The following MYO15A variants were observed in gnomAD, a reference collection of about 807,000 sequenced individuals.
MYO15A encodes the protein unconventional myosin-XV.
In MYO15A, 308 loss-of-function variants were observed where a neutral mutation model predicts 394.6. The ratio of observed to expected loss-of-function variants is 0.78; its 90% CI spans 0.71 to 0.86. The LOEUF is 0.86. MYO15A is among the 40% of genes least tolerant of loss of function. The pLI, the probability that MYO15A is intolerant of heterozygous loss-of-function variation, is 0.00. For missense variants in MYO15A, 4,606 were observed against 4,799.1 expected (o/e 0.96, Z 1.19); for synonymous variants, 1,957 against 2,003.8 (o/e 0.98, Z 0.62).
Position 18,159,010 on chromosome 17 carries a change from G to T in MYO15A, c.9156+13G>T, listed in dbSNP as rs780530630. The T allele has an allele frequency of 6.2e-7, 1 of 1,612,750 alleles. No individual in the cohort carries two copies. Among genetic ancestry groups the T allele is most frequent in the Non-Finnish European group, 8.5e-7 (1 of 1,179,382 alleles). On this transcript the variant is annotated intron_variant, in intron 53 of 65. Transcript: ENST00000647165. ...TTGCTTCACCAAGGTGTCCAGTCCC[G>T]GACCTCAGTTTCCCCATCTGTAAAA...
At chr17:18,156,403 C>T in intron 48 of MYO15A, 67 bp downstream of exon 48, 1 of 1,519,914 alleles carries the variant, frequency 6.6e-7, no homozygotes, top group Middle Eastern at 1.7e-4. Flanking sequence ...TCTCCCTGTT[C>T]CAGGGAAATA....
rs1293095516 is a variant in MYO15A at position 18,158,565 on chromosome 17, G to T, written c.9010G>T (p.Ala3004Ser). 1 of 1,614,152 alleles carries T rather than the reference G, an allele frequency of 6.2e-7. No individual in the cohort carries two copies. Among genetic ancestry groups the T allele is most frequent in the South Asian group, 1.1e-5 (1 of 91,088 alleles). ...RARSADHGED[A>S]LALPPYTMLE... is the part of the protein sequence containing the mutation. ...CCGCTCTGCTGACCATGGGGAGGACGCCCTGGCGCTCCCACCCTACACAAT... is the reference window on the plus strand; with the variant it reads ...CCGCTCTGCTGACCATGGGGAGGACTCCCTGGCGCTCCCACCCTACACAAT... Residue 3004 changes from alanine to serine, a missense_variant, in exon 52 of 66, where the codon GCC becomes TCC. Physicochemically the swap from Ala to Ser is moderately conservative, Grantham distance 99. Around this residue, in one of 2 missense-constraint regions of MYO15A, gnomAD observed 2,776 missense variants for 3,109.3 expected, o/e 0.89. Coordinates refer to ENST00000647165, the MANE Select transcript of MYO15A (RefSeq NM_016239.4).
rs777292737 is a variant in MYO15A, at chr17:18,120,506, C to A, written c.1706C>A (p.Ala569Asp). ...PEFGRPVPRP[A>D]TSLARFLKKT... is the part of the protein sequence containing the mutation. ...TTTGGCCGCCCCGTGCCTCGCCCTG[C>A]CACCTCGCTTGCGCGGTTCCTCAAG... Residue 569 changes from alanine (A) to aspartate (D), a missense_variant, in exon 2 of 66, where the codon GCC (alanine) becomes GAC (aspartate). By Grantham distance (126) the Ala-to-Asp change is moderately radical. Transcript: ENST00000647165. The A allele has an allele frequency of 6.3e-7, 1 of 1,578,986 alleles. No homozygotes were observed. The highest frequency in any genetic ancestry group is 8.6e-7 in the Non-Finnish European group (1 of 1,165,814).
rs1360315164 is a variant in MYO15A, at chr17:18,130,786, C to G, written c.4033-19C>G. ...GTTCTTGTCTGTCTCTTTGTCCTCC[C>G]TCCTGGACGCTCTTGAAGATAAAGG... On this transcript the variant is annotated intron_variant, in intron 7 of 65. Transcript: ENST00000647165. 2 of 1,612,262 alleles carry G rather than the reference C, an allele frequency of 1.2e-6. No homozygotes were observed. The highest frequency in any genetic ancestry group is 2.7e-5 in the African/African-American group (2 of 74,214).
intron 7 of MYO15A, among the ~76,000 whole-genome samples, chr17:18,130,107 C>T (rs1241206077): frequency 2.0e-5 from 3 of 152,152 alleles, no homozygotes; most frequent in African/African-American, 7.2e-5. Context: ...TCTGGATCTC[C>T]GGGCCTCGTG....
chr17:18,121,317 G>A lies in MYO15A; in HGVS notation c.2517G>A (p.Pro839=), dbSNP rs911527113. 7.1e-5 allele frequency: 94 copies of A among 1,332,180 alleles called. No homozygotes were observed. In the African/African-American group the frequency reaches 1.2e-3, roughly 17 times the overall value. 82.5% of individuals were successfully genotyped at this position (1,332,180 alleles called of 1,614,324 possible). A position where few individuals can be genotyped will look rare whatever the true frequency, so the allele number is the denominator to read the frequency against. Residue 839 remains proline, a synonymous_variant, in exon 2 of 66, where the codon CCG becomes CCA. Coordinates refer to ENST00000647165, the MANE Select transcript of MYO15A (RefSeq NM_016239.4). The surrounding 1 kb of genome is among the most constrained non-coding windows in gnomAD (Gnocchi z 5.3). The stretch of plus-strand genomic sequence containing the variant: ...GGCGCCTGGGCCCACCCGGCTCGCC[G>A]CTGCCGGGCTCACCCAGGCCGCCCT... ...AAGRLGPPGS[P]LPGSPRPPSP... is the part of the protein sequence containing the mutation.
In MYO15A at chr17:18,159,614, A is replaced by C; in HGVS notation, c.9238A>C (p.Arg3080=). Residue 3080 remains arginine, a synonymous_variant, in exon 55 of 66, where the codon AGG becomes CGG. Coordinates refer to ENST00000647165, the MANE Select transcript of MYO15A (RefSeq NM_016239.4). ...ATAGGTCTTTCCTACAGCTGTAATG[A>C]GGTTCATGGGGGATGCCCCACTGAA... ...MATDMFLAVM[R]FMGDAPLKGQ... is the part of the protein sequence containing the mutation. 6.2e-7 allele frequency: 1 copy of C among 1,613,988 alleles called. No individual in the cohort carries two copies. Among genetic ancestry groups the C allele is most frequent in the Non-Finnish European group, 8.5e-7 (1 of 1,179,986 alleles).
chr17:18,146,197 T>A (rs1299161796), intron 30 of MYO15A, 90 bp downstream of exon 30: 1 of 1,340,904 alleles, frequency 7.5e-7, no homozygotes, highest in Non-Finnish European at 1.0e-6. Context: ...AGGCCAGGAG[T>A]CAGATCTCTA....
chr17:18,113,005 A>T (rs2045740472), intron 1 of MYO15A, among the ~76,000 whole-genome samples: 1 of 151,982 alleles, frequency 6.6e-6, no homozygotes, highest in Non-Finnish European at 1.5e-5. Flanking sequence ...ACGCTGCTAC[A>T]CCCAGCTAAT....
Position 18,145,002 on chromosome 17 carries a change from T to C in MYO15A, c.6273+410T>C, listed in dbSNP as rs144936237. Among the ~76,000 whole-genome samples, 276 of 152,206 alleles carry C rather than the reference T, an allele frequency of 1.8e-3. 1 individual carries two copies. The highest frequency in any genetic ancestry group is 6.3e-3 in the African/African-American group (263 of 41,512). On this transcript the variant is annotated intron_variant, in intron 29 of 65. Transcript: ENST00000647165. Reference sequence around the variant, plus strand: ...AGCCCTGGGCAGGGCCAGAGAGGGCTTCCTGGAGGAGAAGGCATTTGAGCT... The same window carrying C: ...AGCCCTGGGCAGGGCCAGAGAGGGCCTCCTGGAGGAGAAGGCATTTGAGCT...
chr17:18,133,196 C>T, intron 11 of MYO15A, 29 bp from the exon 12 acceptor site: 1 of 1,612,674 alleles, frequency 6.2e-7, no homozygotes. Context: ...ACCCAAGCTC[C>T]CTGACCCTCA....
intron 7 of MYO15A, among the ~76,000 whole-genome samples, chr17:18,130,392 T>G (rs1167385733): frequency 2.0e-5 from 3 of 151,478 alleles, no homozygotes; most frequent in Non-Finnish European, 1.5e-5. Flanking sequence ...TCTGGTGGCC[T>G]TCCTGTGAGA....
In MYO15A at chr17:18,120,789, G is replaced by A; in HGVS notation, c.1989G>A (p.Pro663=). ...CCCACTGGAGCGCGCTCCTGTCTCC[G>A]CCCGTGCCCCCGCGGCCCCCAAGCT... ...TLSHWSALLS[P]PVPPRPPSSG... The change falls in exon 2 of 66, where the codon CCG becomes CCA. Residue 663 remains proline (P), a synonymous_variant. Transcript: ENST00000647165. 1.5e-6 allele frequency: 2 copies of A among 1,347,670 alleles called. No homozygotes were observed. The highest frequency in any genetic ancestry group is 1.9e-6 in the Non-Finnish European group (2 of 1,055,340). The allele number at this position is 1,347,670 out of a possible 1,614,324, so 83.5% of individuals were successfully genotyped here.
In MYO15A at chr17:18,122,116, C is replaced by G. The variant is rs754781505; in HGVS notation, c.3316C>G (p.Arg1106Gly). 1.9e-6 allele frequency: 3 copies of G among 1,612,878 alleles called. No homozygotes were observed. In the South Asian group the frequency reaches 3.3e-5, roughly 18 times the overall value. The change falls in exon 2 of 66, where the codon CGG (arginine) becomes GGG (glycine). Residue 1106 changes from arginine to glycine, a missense_variant. Coordinates refer to ENST00000647165, the MANE Select transcript of MYO15A (RefSeq NM_016239.4). ...AGAGCCCCTGCCCAAGGGGGGTGAA[C>G]GGCGCCAGGCAGCCCCTGGGCGTTT... ...APEPLPKGGE[R>G]RQAAPGRFAV...
chr17:18,141,617 C>G, intron 22 of MYO15A, 36 bp from the exon 23 acceptor site: 4 of 1,596,894 alleles, frequency 2.5e-6, no homozygotes, highest in Non-Finnish European at 3.4e-6. Context: ...TCGGGTAGGT[C>G]TCATAGCCCC....
Position 18,142,778 on chromosome 17 carries a change from A to G in MYO15A, c.5848A>G (p.Arg1950Gly). The G allele has an allele frequency of 6.2e-7, 1 of 1,613,700 alleles. No individual in the cohort carries two copies. The highest frequency in any genetic ancestry group is 8.5e-7 in the Non-Finnish European group (1 of 1,179,930). ...LARQRYQQMR[R>G]SLVKFRSLVH... ...CAGGCAACGCTATCAGCAGATGAGG[A>G]GGAGTCTGGTGAAGTTCCGGTCCCT... is the stretch of plus-strand genomic sequence containing the variant. The change falls in exon 25 of 66, where the codon AGG becomes GGG. Residue 1950 changes from arginine (R) to glycine (G), a missense_variant. Arg to Gly is a moderately radical substitution (Grantham distance 125, BLOSUM62 -2). This residue lies in a region of MYO15A where 2,776 missense variants were observed against 3,109.3 expected (regional missense o/e 0.89). Coordinates refer to ENST00000647165, the MANE Select transcript of MYO15A (RefSeq NM_016239.4).
At chr17:18,134,278 G>A (rs1044413537) in intron 12 of MYO15A, among the ~76,000 whole-genome samples, 14 of 152,270 alleles carry the variant, frequency 9.2e-5, no homozygotes, top group Admixed American at 4.6e-4. Context: ...GTGAGCCACC[G>A]TGCCCCGGCC....
intron 1 of MYO15A, among the ~76,000 whole-genome samples, chr17:18,111,707 A>G (rs527620329): frequency 3.9e-5 from 6 of 152,224 alleles, no homozygotes; most frequent in African/African-American, 1.4e-4. Context: ...AGTCACCCAG[A>G]CCTCCTCACT....
chr17:18,149,848 G>A, intron 35 of MYO15A: 1 of 522,944 alleles, frequency 1.9e-6, no homozygotes, highest in Non-Finnish European at 3.5e-6. Context: ...AACTACTTAG[G>A]AGGCTGAGAT....
Sources: gnomAD v4.1 joint callset for allele counts (sites outside exome capture counted in the v4.1 genomes callset) on GRCh38, gnomAD v4.1.1 for gene constraint, gnomAD v4.1.1 regional missense constraint, Gnocchi (gnomAD v3.1) non-coding constraint, MANE v1.5 for transcripts, NCBI Gene and HGNC (gene_info 2026-07-23, HGNC 2026-07-21) for gene names.